EFCAB6: variants seen among roughly 807,000 people sequenced by gnomAD.
EFCAB6 encodes the protein EF-hand calcium binding domain 6, also known as EF-hand calcium-binding domain-containing protein 6.
EFCAB6 carries 156 observed loss-of-function variants against 169.8 expected under a neutral mutation model. The ratio of observed to expected loss-of-function variants is 0.92; its 90% CI spans 0.81 to 1.05. The LOEUF is 1.05. EFCAB6 is among the 50% of genes least tolerant of loss of function. The pLI is 0.00. For missense variants in EFCAB6, 1,800 were observed against 1,829.1 expected, an observed-to-expected ratio of 0.98 and a Z score of 0.29; for synonymous variants, 698 against 676.4, an observed-to-expected ratio of 1.03 and a Z score of -0.50.
rs748318259 is a variant in EFCAB6, at chr22:43,635,189, C to T, written c.2011G>A (p.Asp671Asn). ...GTCAGCAGGGCATACTGATCATCGT[C>T]CATGGGCATCCCAGTGTCTTCCAGT... ...KVLEDTGMPMDDDQYALLTTK... is the reference protein window; with the variant it reads ...KVLEDTGMPMNDDQYALLTTK... The change falls in exon 18 of 32, where the codon GAC (aspartate) becomes AAC (asparagine). Residue 671 changes from aspartate to asparagine, a missense_variant. Physicochemically the swap from Asp to Asn is conservative, Grantham distance 23. Coordinates refer to ENST00000262726, the MANE Select transcript of EFCAB6 (RefSeq NM_022785.4). 4 of 1,614,150 alleles carry T rather than the reference C, an allele frequency of 2.5e-6. No homozygotes were observed. The highest frequency in any genetic ancestry group is 1.7e-6 in the Non-Finnish European group (2 of 1,180,022).
At chr22:43,690,464 C>G (rs1341624725) in intron 10 of EFCAB6, among the ~76,000 whole-genome samples, 1 of 150,436 alleles carries the variant, frequency 6.6e-6, no homozygotes, top group East Asian at 2.0e-4. Flanking sequence ...TGCAGTGAGC[C>G]GAGATCATGC....
intron 26 of EFCAB6, among the ~76,000 whole-genome samples, chr22:43,564,047 C>T (rs2049259334): frequency 6.6e-6 from 1 of 152,196 alleles, no homozygotes; most frequent in African/African-American, 2.4e-5. Flanking sequence ...TCTGGGCTTC[C>T]GTCCTCCATC....
intron 17 of EFCAB6, among the ~76,000 whole-genome samples, chr22:43,645,066 C>T (rs1267728575): frequency 6.6e-6 from 1 of 152,060 alleles, no homozygotes; most frequent in Non-Finnish European, 1.5e-5. Context: ...AAGCACTTGC[C>T]ATCTCTGTCT....
chr22:43,784,633 G>GTGTATATATACACA (rs769950101), intron 2 of EFCAB6, among the ~76,000 whole-genome samples: 5 of 64,136 alleles, frequency 7.8e-5, no homozygotes, highest in Admixed American at 6.5e-4. Flanking sequence ...ACATATATAT[G>GTGTATATATACACA]TATATGTACA....
At chr22:43,758,974 G>C (rs1480944759) in intron 5 of EFCAB6, among the ~76,000 whole-genome samples, 2 of 152,202 alleles carry the variant, frequency 1.3e-5, no homozygotes, top group Non-Finnish European at 2.9e-5. Flanking sequence ...TGTAATCCCA[G>C]CACTTTAGGA....
intron 12 of EFCAB6, among the ~76,000 whole-genome samples, chr22:43,678,512 C>T (rs2057872628): frequency 6.6e-6 from 1 of 152,150 alleles, no homozygotes; most frequent in Non-Finnish European, 1.5e-5. Flanking sequence ...CTCCTCACTT[C>T]CCTACCCCAC....
rs2059164083 is a variant in EFCAB6, at chr22:43,711,630, T to G, written c.883-7A>C. 6.3e-7 allele frequency: 1 copy of G among 1,576,482 alleles called. No individual in the cohort carries two copies. ...TTTCATAAGACTTCGAAAGCTGCAA[T>G]AAATTGAAATTAGAGTGTGGCGTTC... On this transcript the variant is annotated splice_region_variant and splice_polypyrimidine_tract_variant and intron_variant, in intron 9 of 31. Transcript: ENST00000262726.
chr22:43,689,499 G>A (rs1013431638), intron 10 of EFCAB6, among the ~76,000 whole-genome samples: 1 of 152,086 alleles, frequency 6.6e-6, no homozygotes, highest in Admixed American at 6.5e-5. Context: ...GGCAATCAGC[G>A]GGGCTAGAGA....
chr22:43,733,322 C>A (rs369429771), intron 7 of EFCAB6, among the ~76,000 whole-genome samples: 1 of 152,210 alleles, frequency 6.6e-6, no homozygotes, highest in Admixed American at 6.5e-5. Context: ...TCTGCTCAGG[C>A]AACAGGCTGA....
intron 4 of EFCAB6, among the ~76,000 whole-genome samples, chr22:43,767,468 T>C (rs1194323089): frequency 6.6e-6 from 1 of 152,236 alleles, no homozygotes; most frequent in African/African-American, 2.4e-5. Flanking sequence ...GGTGCCCTCC[T>C]GGTTTTGGAA....
At chr22:43,702,832 C>G (rs568508246) in intron 10 of EFCAB6, among the ~76,000 whole-genome samples, 1 of 152,288 alleles carries the variant, frequency 6.6e-6, no homozygotes, top group African/African-American at 2.4e-5. Context: ...GATGGCTAGC[C>G]TTCAAAACCA....
At chr22:43,598,228 G>A (rs1057351858) in intron 23 of EFCAB6, among the ~76,000 whole-genome samples, 3 of 140,266 alleles carry the variant, frequency 2.1e-5, no homozygotes, top group Admixed American at 1.6e-4. Context: ...GATCACCTGA[G>A]CCTGGAAAGT....
At chr22:43,717,546 A>G (rs527964807) in intron 8 of EFCAB6, among the ~76,000 whole-genome samples, 1 of 152,274 alleles carries the variant, frequency 6.6e-6, no homozygotes, top group Admixed American at 6.5e-5. Context: ...ATAGACAGAT[A>G]ATTCACATAA....
chr22:43,725,102 G>A (rs1367375823), intron 8 of EFCAB6, among the ~76,000 whole-genome samples: 1 of 151,476 alleles, frequency 6.6e-6, no homozygotes, highest in Non-Finnish European at 1.5e-5. Context: ...GCATCACAGG[G>A]CAAGAGAGAG....
intron 1 of EFCAB6, among the ~76,000 whole-genome samples, chr22:43,809,872 C>G (rs2063048475): frequency 6.6e-6 from 1 of 151,808 alleles, no homozygotes; most frequent in Non-Finnish European, 1.5e-5. Flanking sequence ...TCCCAAAGTG[C>G]TGGGATTACA....
intron 13 of EFCAB6, among the ~76,000 whole-genome samples, chr22:43,674,324 C>T (rs1181657957): frequency 6.6e-6 from 1 of 152,184 alleles, no homozygotes; most frequent in East Asian, 1.9e-4. Flanking sequence ...CACTGCCTAT[C>T]CCCTATAGTA....
At chr22:43,661,863 T>A (rs2057017791) in intron 17 of EFCAB6, among the ~76,000 whole-genome samples, 1 of 152,174 alleles carries the variant, frequency 6.6e-6, no homozygotes, top group South Asian at 2.1e-4. Context: ...ATGCCTGTAA[T>A]CCCAGCACTC....
chr22:43,598,322 A>AAAAAG (rs1555953909), intron 23 of EFCAB6, among the ~76,000 whole-genome samples: 2 of 130,238 alleles, frequency 1.5e-5, no homozygotes, highest in Non-Finnish European at 1.7e-5. Context: ...AAAAAAAAAA[A>AAAAAG]AAAAAAAAAA....
chr22:43,702,222 T>C (rs1347646284), intron 10 of EFCAB6, among the ~76,000 whole-genome samples: 2 of 152,232 alleles, frequency 1.3e-5, no homozygotes, highest in East Asian at 1.9e-4. Flanking sequence ...TGTGAATCAC[T>C]ACTCTTTTGA....
Sources: allele counts gnomAD v4.1 joint callset (sites outside exome capture counted in the v4.1 genomes callset), GRCh38; gene constraint gnomAD v4.1.1; transcripts MANE v1.5; gene names NCBI Gene and HGNC (gene_info 2026-07-23, HGNC 2026-07-21).